Variants in CCSER2 observed in about 807,000 individuals in gnomAD.
The protein encoded by CCSER2 is coiled-coil serine rich protein 2, also known as serine-rich coiled-coil domain-containing protein 2.
In CCSER2, 46 loss-of-function variants were observed where a neutral mutation model predicts 92.3. The observed-to-expected ratio is 0.50, with a 90% CI of 0.39 to 0.64. CCSER2 has a LOEUF of 0.64. CCSER2 is among the 30% of genes least tolerant of loss of function. CCSER2 has a pLI of 0.00. For synonymous variants in CCSER2, 433 were observed against 431.4 expected (o/e 1.00, Z -0.04); for missense variants, 1,244 against 1,238.9 (o/e 1.00, Z -0.06).
At chr10:84,437,150 CAG>C (rs71013323) in intron 5 of CCSER2, among the ~76,000 whole-genome samples, 7,978 of 76,962 alleles carry the variant, frequency 0.1, 467 homozygotes, top group African/African-American at 0.25. Context: ...CACACACACA[CAG>C]AGAGAGAGAG....
At chr10:84,370,380 AT>A (rs1554835140) in intron 1 of CCSER2, among the ~76,000 whole-genome samples, 1 of 151,544 alleles carries the variant, frequency 6.6e-6, no homozygotes, top group Non-Finnish European at 1.5e-5. Flanking sequence ...ATTTTATTTT[AT>A]TTTTTTGCAG....
At chr10:84,404,989 C>G (rs1233908620) in intron 3 of CCSER2, among the ~76,000 whole-genome samples, 6 of 152,142 alleles carry the variant, frequency 3.9e-5, no homozygotes, top group Admixed American at 6.6e-5. Flanking sequence ...CAAAGTGATG[C>G]AATACCAATC....
chr10:84,410,289 A>G lies in CCSER2; in HGVS notation c.1615-7482A>G, dbSNP rs185189351. 3.1e-3 allele frequency among the ~76,000 whole-genome samples: 471 copies of G among 152,234 alleles called. 2 individuals carry two copies. The highest frequency in any genetic ancestry group is 0.011 in the African/African-American group (448 of 41,544). Reference sequence around the variant, plus strand: ...CTTCAATTATATATCCAGTAATGGGATTACTGGGTCAAATGGCATGTCTGC... The same window carrying G: ...CTTCAATTATATATCCAGTAATGGGGTTACTGGGTCAAATGGCATGTCTGC... On this transcript the variant is annotated intron_variant, in intron 3 of 9. Transcript: ENST00000372088.
At position 84,371,709 on chromosome 10, in the gene CCSER2, A is replaced by G. The variant is rs747623189; in HGVS notation, c.657A>G (p.Val219=). ...AATCTATTAATTGTGAAAAAATGGT[A>G]AGGTCACAAAGTTTTTCACATTCCA... is the stretch of plus-strand genomic sequence containing the variant. ...SSKSINCEKM[V]RSQSFSHSIQ... The change falls in exon 2 of 10, where the codon GTA becomes GTG. Residue 219 remains valine, a synonymous_variant. Transcript: ENST00000372088. 8.7e-6 allele frequency: 14 copies of G among 1,613,616 alleles called. No individual in the cohort carries two copies. Among genetic ancestry groups the G allele is most frequent in the Non-Finnish European group, 1.2e-5 (14 of 1,179,810 alleles).
At chr10:84,426,823 C>T (rs549923521) in intron 5 of CCSER2, among the ~76,000 whole-genome samples, 3 of 152,164 alleles carry the variant, frequency 2.0e-5, no homozygotes, top group Non-Finnish European at 2.9e-5. Flanking sequence ...ATATACAGTA[C>T]GCATAAGATA....
chr10:84,347,041 TA>T (rs1237825162), intron 1 of CCSER2, among the ~76,000 whole-genome samples: 1 of 152,140 alleles, frequency 6.6e-6, no homozygotes, highest in South Asian at 2.1e-4. Flanking sequence ...GCACCGCCCT[TA>T]ATCCATTTAA....
chr10:84,348,526 G>A (rs1388531358), intron 1 of CCSER2, among the ~76,000 whole-genome samples: 1 of 152,096 alleles, frequency 6.6e-6, no homozygotes, highest in East Asian at 1.9e-4. Flanking sequence ...GGGCGAGGGC[G>A]AGGGCGAGGG....
rs865812174 is a variant in CCSER2, at chr10:84,460,190, A to G, written c.2065-3743A>G. On this transcript the variant is annotated intron_variant, in intron 6 of 9. Transcript: ENST00000372088. ...CTGCAACCTCTGCCTCCCAGGTTCA[A>G]GCAATTCTCCTGCCTTGGCCTCCTG... Among the ~76,000 whole-genome samples the G allele has an allele frequency of 5.4e-5, 8 of 147,642 alleles. 1 individual carries two copies. In the South Asian group the frequency reaches 1.7e-3, roughly 32 times the overall value.
At position 84,412,205 on chromosome 10, in the gene CCSER2, G is replaced by GT. The variant is rs34847401; in HGVS notation, c.1615-5566_1615-5565insT. 3.9e-5 allele frequency among the ~76,000 whole-genome samples: 6 copies of GT among 152,236 alleles called. No individual in the cohort carries two copies. In the East Asian group the frequency reaches 1.2e-3, roughly 29 times the overall value. On this transcript the variant is annotated intron_variant, in intron 3 of 9. Transcript: ENST00000372088. ...TTCTGTTTGCCAGTATTTTGTTGAA[G>GT]ATCTTTGCATTTATGTTCATCAAGG...
intron 3 of CCSER2, among the ~76,000 whole-genome samples, chr10:84,411,474 T>G (rs549781082): frequency 6.6e-6 from 1 of 152,326 alleles, no homozygotes; most frequent in African/African-American, 2.4e-5. Context: ...TCCTCTCTGA[T>G]TTCTTTGAGC....
intron 1 of CCSER2, among the ~76,000 whole-genome samples, chr10:84,351,500 A>G (rs1050194278): frequency 6.6e-6 from 1 of 152,002 alleles, no homozygotes; most frequent in African/African-American, 2.4e-5. Flanking sequence ...CCAAAATCCC[A>G]AAATGCTGGG....
intron 6 of CCSER2, chr10:84,455,704 T>C: frequency 1.3e-6 from 1 of 778,210 alleles, no homozygotes; most frequent in Non-Finnish European, 2.3e-6. Context: ...TTAGATTCTT[T>C]ACCAAAAGAT....
intron 1 of CCSER2, among the ~76,000 whole-genome samples, chr10:84,342,110 A>C (rs1259764163): frequency 2.0e-5 from 3 of 151,918 alleles, no homozygotes; most frequent in African/African-American, 7.3e-5. Flanking sequence ...CCCAACCTGT[A>C]CTCATGCTCT....
chr10:84,514,550 A>G lies in CCSER2; in HGVS notation c.*283A>G. 2.5e-6 allele frequency: 1 copy of G among 392,432 alleles called. No homozygotes were observed. Among genetic ancestry groups the G allele is most frequent in the Non-Finnish European group, 4.5e-6 (1 of 220,140 alleles). The allele number at this position is 392,432 out of a possible 1,614,324, so 24.3% of individuals were successfully genotyped here. ...CATGTTATCCATCCCTCTCCACGTC[A>G]GAAAATTCATAATATTTTACTGAGC... On this transcript the variant is annotated 3_prime_UTR_variant, in exon 10 of 10. Transcript: ENST00000372088.
intron 3 of CCSER2, among the ~76,000 whole-genome samples, chr10:84,383,585 C>T (rs1374524489): frequency 6.6e-6 from 1 of 152,188 alleles, no homozygotes; most frequent in Non-Finnish European, 1.5e-5. Flanking sequence ...GCTGGGATTA[C>T]AAGCGTGAGC....
intron 1 of CCSER2, among the ~76,000 whole-genome samples, chr10:84,358,671 T>C (rs1036851032): frequency 1.4e-5 from 2 of 147,914 alleles, no homozygotes; most frequent in African/African-American, 5.0e-5. Flanking sequence ...CATATACATA[T>C]ATGTATATAT....
At chr10:84,365,638 G>A (rs1845739544) in intron 1 of CCSER2, among the ~76,000 whole-genome samples, 1 of 152,196 alleles carries the variant, frequency 6.6e-6, no homozygotes, top group East Asian at 1.9e-4. Flanking sequence ...ACAAACACCA[G>A]TAACAGTGTG....
intron 9 of CCSER2, among the ~76,000 whole-genome samples, chr10:84,500,568 A>G (rs930476642): frequency 6.6e-6 from 1 of 152,208 alleles, no homozygotes; most frequent in Non-Finnish European, 1.5e-5. Flanking sequence ...TAACATTTCT[A>G]ATGATTTAGT....
chr10:84,390,554 T>C (rs1334757167), intron 3 of CCSER2, among the ~76,000 whole-genome samples: 1 of 152,260 alleles, frequency 6.6e-6, no homozygotes, highest in Non-Finnish European at 1.5e-5. Context: ...ACTATGATGT[T>C]ATGATAGTTA....
Sources: gnomAD v4.1 joint callset for allele counts (sites outside exome capture counted in the v4.1 genomes callset) on GRCh38, gnomAD v4.1.1 for gene constraint, MANE v1.5 for transcripts, NCBI Gene and HGNC (gene_info 2026-07-23, HGNC 2026-07-21) for gene names.